VPS13A: variants seen among roughly 807,000 people sequenced by gnomAD.
VPS13A encodes the protein intermembrane lipid transfer protein VPS13A.
A neutral mutation model predicts 390.9 loss-of-function variants in VPS13A; 264 were observed. That is an observed-to-expected ratio of 0.68 (90% CI 0.61 to 0.75). The LOEUF (loss-of-function observed/expected upper bound fraction) is 0.75. Ranked by LOEUF, VPS13A falls within the 30% of genes least tolerant of loss-of-function variation. VPS13A has a pLI of 0.00. For missense variants in VPS13A, 3,409 were observed against 3,733.9 expected (o/e 0.91, Z 2.27); for synonymous variants, 1,231 against 1,227.1 (o/e 1.00, Z -0.07).
rs1441330697 is a variant in VPS13A at position 77,322,102 on chromosome 9, G to A, written c.5830+356G>A. 8.6e-5 allele frequency among the ~76,000 whole-genome samples: 13 copies of A among 151,682 alleles called. 1 individual carries two copies. Among genetic ancestry groups the A allele is most frequent in the South Asian group, 4.2e-4 (2 of 4,812 alleles). ...GTTCTTTTATTCACATTTGGTATCCGTTGATAGTATTCCACCAGTTTTGCA... is the reference window on the plus strand; with the variant it reads ...GTTCTTTTATTCACATTTGGTATCCATTGATAGTATTCCACCAGTTTTGCA... On this transcript the variant is annotated intron_variant, in intron 44 of 71. Coordinates refer to ENST00000360280, the MANE Select transcript of VPS13A (RefSeq NM_033305.3).
At chr9:77,257,935 T>C (rs1825543430) in intron 22 of VPS13A, among the ~76,000 whole-genome samples, 1 of 152,226 alleles carries the variant, frequency 6.6e-6, no homozygotes, top group African/African-American at 2.4e-5. Flanking sequence ...TTTTAACTTA[T>C]GTAGAAAATA....
At chr9:77,287,941 G>C (rs993164334) in intron 31 of VPS13A, among the ~76,000 whole-genome samples, 1 of 152,138 alleles carries the variant, frequency 6.6e-6, no homozygotes, top group Non-Finnish European at 1.5e-5. Context: ...ATAATTCTGT[G>C]AGTTTTGACG....
intron 1 of VPS13A, among the ~76,000 whole-genome samples, chr9:77,187,692 C>G (rs1265486713): frequency 1.3e-5 from 2 of 151,802 alleles, no homozygotes; most frequent in Non-Finnish European, 2.9e-5. Context: ...TGTGTGTTAC[C>G]TTTTCTTCCT....
intron 37 of VPS13A, 95 bp downstream of exon 37, chr9:77,314,759 T>C: frequency 1.6e-6 from 2 of 1,229,202 alleles, no homozygotes; most frequent in Non-Finnish European, 2.4e-6. Context: ...ATTTTCTGAG[T>C]GCATCCTAGG....
intron 67 of VPS13A, among the ~76,000 whole-genome samples, chr9:77,378,955 G>A (rs79056400): frequency 0.027 from 3,980 of 148,444 alleles, 76 homozygotes; most frequent in Non-Finnish European, 0.037. Flanking sequence ...TGTTATTTAT[G>A]CTTCTATGTT....
intron 10 of VPS13A, among the ~76,000 whole-genome samples, chr9:77,218,364 C>T (rs922232818): frequency 1.1e-4 from 16 of 152,170 alleles, no homozygotes; most frequent in Admixed American, 7.2e-4. Context: ...CTGCCTGCCT[C>T]GGCCTCCCAA....
At position 77,237,979 on chromosome 9, in the gene VPS13A, TTTTTC is replaced by T. The variant is rs1824252915; in HGVS notation, c.1596-18_1596-14del. The T allele has an allele frequency of 3.2e-6, 5 of 1,555,012 alleles. No individual in the cohort carries two copies. Among genetic ancestry groups the T allele is most frequent in the Non-Finnish European group, 4.4e-6 (5 of 1,133,268 alleles). ...TTCACAATTTTACTGATCGCTGACT[TTTTTC>T]TTTTTTTTTTAATGCAGATTTGAAA... On this transcript the variant is annotated intron_variant, in intron 17 of 71. Coordinates refer to ENST00000360280, the MANE Select transcript of VPS13A (RefSeq NM_033305.3).
chr9:77,181,175 T>C (rs570490103), intron 1 of VPS13A, among the ~76,000 whole-genome samples: 54 of 152,306 alleles, frequency 3.5e-4, no homozygotes, highest in African/African-American at 1.2e-3. Flanking sequence ...TCAAAAGTAG[T>C]AATTTGATAA....
chr9:77,381,926 A>G (rs1175044302), intron 67 of VPS13A, 50 bp from the exon 68 acceptor site: 1 of 1,225,104 alleles, frequency 8.2e-7, no homozygotes. Flanking sequence ...TAGTTTATTT[A>G]CAAGTTTTTG....
At chr9:77,260,310 G>C in intron 23 of VPS13A, 86 bp downstream of exon 23, 12 of 1,157,974 alleles carry the variant, frequency 1.0e-5, no homozygotes, top group East Asian at 5.9e-5. Context: ...TTTTATATAA[G>C]ACAATTTGCA....
chr9:77,294,166 C>T (rs1464427725), intron 32 of VPS13A, among the ~76,000 whole-genome samples: 1 of 152,168 alleles, frequency 6.6e-6, no homozygotes, highest in East Asian at 1.9e-4. Context: ...AGTGATCCTC[C>T]TGCTTTGGCC....
At chr9:77,184,581 T>C (rs1358509951) in intron 1 of VPS13A, among the ~76,000 whole-genome samples, 1 of 152,234 alleles carries the variant, frequency 6.6e-6, no homozygotes, top group Non-Finnish European at 1.5e-5. Context: ...ATCGTGCTAC[T>C]GCACTCCAGC....
rs148511166 is a variant in VPS13A at position 77,225,975 on chromosome 9, C to T, written c.1211C>T (p.Thr404Met). The change falls in exon 14 of 72, where the codon ACG (threonine) becomes ATG (methionine). Residue 404 changes from threonine to methionine, a missense_variant. Thr to Met is a moderately conservative substitution (Grantham distance 81). Transcript: ENST00000360280. ...TTTAATATAACTATAGCTAGACAGA[C>T]GGCAGAAGTTGAGGTAATTCTTGGC... is the stretch of plus-strand genomic sequence containing the variant. Reference protein sequence around the residue: ...DVFNITIARQTAEVEVKKAGY... With the variant: ...DVFNITIARQMAEVEVKKAGY... 29 of 1,611,882 alleles carry T rather than the reference C, an allele frequency of 1.8e-5. No individual in the cohort carries two copies. The highest frequency in any genetic ancestry group is 4.0e-5 in the African/African-American group (3 of 74,836).
chr9:77,260,872 G>C (rs909408532), intron 23 of VPS13A, among the ~76,000 whole-genome samples: 2 of 151,716 alleles, frequency 1.3e-5, no homozygotes, highest in Non-Finnish European at 2.9e-5. Flanking sequence ...TGTGTATGTA[G>C]TATGTGTGTG....
At chr9:77,399,185 A>AT (rs1834257608) in intron 68 of VPS13A, among the ~76,000 whole-genome samples, 3 of 138,196 alleles carry the variant, frequency 2.2e-5, no homozygotes, top group Admixed American at 1.4e-4. Context: ...AAAAAATAAA[A>AT]AAAAAAAAAA....
At chr9:77,409,633 C>T (rs769392862) in intron 71 of VPS13A, among the ~76,000 whole-genome samples, 49 of 151,426 alleles carry the variant, frequency 3.2e-4, no homozygotes, top group Non-Finnish European at 4.3e-4. Context: ...AACCAAGGCA[C>T]GAGAACTAAG....
chr9:77,260,036 A>T, intron 22 of VPS13A, 50 bp from the exon 23 acceptor site: 1 of 1,224,162 alleles, frequency 8.2e-7, no homozygotes, highest in Non-Finnish European at 1.2e-6. Context: ...TAGTGCACTT[A>T]AATCAGAATA....
intron 35 of VPS13A, among the ~76,000 whole-genome samples, chr9:77,309,233 A>G (rs1828930928): frequency 6.6e-6 from 1 of 152,338 alleles, no homozygotes; most frequent in East Asian, 1.9e-4. Context: ...ACATGTAATT[A>G]GAAGTATTGA....
rs753597538 is a variant in VPS13A, at chr9:77,403,303, T to C, written c.9257T>C (p.Met3086Thr). 3 of 1,611,920 alleles carry C rather than the reference T, an allele frequency of 1.9e-6. No individual in the cohort carries two copies. The highest frequency in any genetic ancestry group is 2.5e-6 in the Non-Finnish European group (3 of 1,179,594). The part of the protein sequence containing the change: ...FTHVMINKTD[M>T]LMITRRGVLF... ...CATGTCATGATCAATAAGACAGATATGCTAATGATAACCAGACGGTAACTT... is the reference window on the plus strand; with the variant it reads ...CATGTCATGATCAATAAGACAGATACGCTAATGATAACCAGACGGTAACTT... The change falls in exon 69 of 72, where the codon ATG (methionine) becomes ACG (threonine). Residue 3086 changes from methionine to threonine, a missense_variant. By Grantham distance (81) the Met-to-Thr change is moderately conservative. Transcript: ENST00000360280.
Sources: gnomAD v4.1 joint callset for allele counts (sites outside exome capture counted in the v4.1 genomes callset) on GRCh38, gnomAD v4.1.1 for gene constraint, MANE v1.5 for transcripts, NCBI Gene and HGNC (gene_info 2026-07-23, HGNC 2026-07-21) for gene names.